Variants in DNAH14 observed in about 807,000 individuals in gnomAD.
DNAH14 encodes the protein dynein axonemal heavy chain 14, also known as axonemal beta dynein heavy chain 14.
In DNAH14, 478 loss-of-function variants were observed where a neutral mutation model predicts 520.9. The ratio of observed to expected loss-of-function variants is 0.92; its 90% confidence interval spans 0.85 to 0.99. The LOEUF (loss-of-function observed/expected upper bound fraction) is 0.99, where lower values mean the gene tolerates loss of function less well. DNAH14 is among the 50% of genes least tolerant of loss of function. The probability of loss-of-function intolerance (pLI) is 0.00; values close to 1 mark genes in which losing one functional copy is unlikely to be tolerated. For missense variants in DNAH14, 4,831 were observed against 5,234.5 expected, an observed-to-expected ratio of 0.92 and a Z score of 2.38; for synonymous variants, 1,581 against 1,757.2, an observed-to-expected ratio of 0.90 and a Z score of 2.51.
At chr1:225,337,196 G>T in intron 66 of DNAH14, 70 bp from the exon 67 acceptor site, 2 of 1,240,888 alleles carry the variant, frequency 1.6e-6, no homozygotes, top group Non-Finnish European at 2.3e-6. Flanking sequence ...GGATCTTTTA[G>T]TACCCTGTAG....
intron 21 of DNAH14, among the ~76,000 whole-genome samples, chr1:225,095,261 A>G (rs191580706): frequency 6.6e-5 from 10 of 152,226 alleles, no homozygotes; most frequent in African/African-American, 2.4e-4. Context: ...ATGCCCATCA[A>G]CAGTAGACTG....
intron 2 of DNAH14, among the ~76,000 whole-genome samples, chr1:224,953,645 T>A (rs1386846735): frequency 6.6e-6 from 1 of 152,152 alleles, no homozygotes; most frequent in Non-Finnish European, 1.5e-5. Flanking sequence ...TTATATTCAT[T>A]TTAAGTGAAC....
intron 10 of DNAH14, among the ~76,000 whole-genome samples, chr1:225,016,750 T>G (rs1372252801): frequency 6.6e-6 from 1 of 151,954 alleles, no homozygotes; most frequent in African/African-American, 2.4e-5. Context: ...TCTTTTCTTT[T>G]TTTTTGTCTG....
chr1:225,259,369 T>C (rs1316396858), intron 46 of DNAH14, 116 bp downstream of exon 46: 2 of 725,066 alleles, frequency 2.8e-6, no homozygotes, highest in Non-Finnish European at 4.0e-6. Context: ...GCAGAATCAT[T>C]CAAAAGAGGA....
At chr1:225,273,743 T>C (rs2093380188) in intron 52 of DNAH14, among the ~76,000 whole-genome samples, 1 of 152,302 alleles carries the variant, frequency 6.6e-6, no homozygotes. Context: ...CTTTGAACTT[T>C]AGTTTTCTTA....
In DNAH14 at chr1:225,333,399, G is replaced by A; in HGVS notation, c.9973G>A (p.Glu3325Lys). The A allele has an allele frequency of 1.3e-6, 2 of 1,551,576 alleles. No individual in the cohort carries two copies. The highest frequency in any genetic ancestry group is 1.7e-6 in the Non-Finnish European group (2 of 1,146,908). ...CIVYSGILTP[E>K]FRQLIVNKWE... ...TGTCTACAGTGGAATTTTAACACCA[G>A]AATTTCGCCAGTTGATTGTGAATAA... The change falls in exon 66 of 86, where the codon GAA becomes AAA. Residue 3325 changes from glutamate to lysine, a missense_variant. Glu to Lys is a moderately conservative substitution (Grantham distance 56, BLOSUM62 1). Coordinates refer to ENST00000682510, the MANE Select transcript of DNAH14 (RefSeq NM_001367479.1).
In DNAH14 at chr1:225,348,158, T is replaced by C. The variant is rs1262838975; in HGVS notation, c.11296+1504T>C. On this transcript the variant is annotated intron_variant, in intron 71 of 85. Coordinates refer to ENST00000682510, the MANE Select transcript of DNAH14 (RefSeq NM_001367479.1). ...ATCAGCAAACTTGAAGACAGGTCATTTGAAATTATCGAGTCAGAAGAGCAA... is the reference window on the plus strand; with the variant it reads ...ATCAGCAAACTTGAAGACAGGTCATCTGAAATTATCGAGTCAGAAGAGCAA... Among the ~76,000 whole-genome samples, 5 of 151,968 alleles carry C rather than the reference T, an allele frequency of 3.3e-5. No individual in the cohort carries two copies. In the East Asian group the frequency reaches 9.6e-4, roughly 29 times the overall value.
chr1:225,311,643 G>A (rs2094367451), intron 60 of DNAH14, among the ~76,000 whole-genome samples: 1 of 152,076 alleles, frequency 6.6e-6, no homozygotes, highest in Non-Finnish European at 1.5e-5. Flanking sequence ...GTAAGGAAGG[G>A]GTCCAGTTTC....
intron 55 of DNAH14, among the ~76,000 whole-genome samples, chr1:225,299,263 A>G (rs2094086847): frequency 6.6e-6 from 1 of 152,196 alleles, no homozygotes; most frequent in Non-Finnish European, 1.5e-5. Flanking sequence ...ATGCCACCTC[A>G]GATTGTATTT....
chr1:225,389,388 G>C (rs2095877308), intron 82 of DNAH14, among the ~76,000 whole-genome samples: 1 of 152,238 alleles, frequency 6.6e-6, no homozygotes, highest in Admixed American at 6.5e-5. Flanking sequence ...TATAAGTGTA[G>C]CAACAGCACT....
chr1:225,320,456 G>A (rs2094538130), intron 61 of DNAH14, among the ~76,000 whole-genome samples: 1 of 152,096 alleles, frequency 6.6e-6, no homozygotes, highest in African/African-American at 2.4e-5. Flanking sequence ...CTTGTTTGTT[G>A]TTTGTTTGTT....
rs1422639105 is a variant in DNAH14, at chr1:225,140,966, G to C, written c.4453G>C (p.Val1485Leu). 1.3e-6 allele frequency: 2 copies of C among 1,551,102 alleles called. No homozygotes were observed. Among genetic ancestry groups the C allele is most frequent in the Admixed American group, 2.0e-5 (1 of 50,962 alleles). The stretch of plus-strand genomic sequence containing the variant: ...CCTTTATGTTCACTGCAGAGATATA[G>C]TGATAAATTTACTACTTAAAAATAT... ...LILYVHCRDI[V>L]INLLLKNIFN... Residue 1485 changes from valine (V) to leucine (L), a missense_variant, in exon 28 of 86, where the codon GTG (valine) becomes CTG (leucine). Physicochemically the swap from Val to Leu is conservative, Grantham distance 32. Transcript: ENST00000682510.
intron 35 of DNAH14, 79 bp downstream of exon 35, chr1:225,159,564 A>G: frequency 7.7e-7 from 1 of 1,305,610 alleles, no homozygotes; most frequent in East Asian, 2.6e-5. Flanking sequence ...GATTAAAAAT[A>G]TTACAGTTCT....
intron 10 of DNAH14, among the ~76,000 whole-genome samples, chr1:225,019,636 C>G (rs1336924129): frequency 6.6e-6 from 1 of 152,090 alleles, no homozygotes; most frequent in Admixed American, 6.6e-5. Context: ...CAGCACATGG[C>G]ACATACTCTA....
At chr1:225,129,888 A>C (rs1276824470) in intron 27 of DNAH14, among the ~76,000 whole-genome samples, 1 of 152,256 alleles carries the variant, frequency 6.6e-6, no homozygotes, top group Admixed American at 6.5e-5. Context: ...GGCAATCCAC[A>C]AAATGGGAGA....
chr1:225,147,678 T>C (rs1033881719), intron 31 of DNAH14, among the ~76,000 whole-genome samples: 8 of 152,348 alleles, frequency 5.3e-5, no homozygotes, highest in African/African-American at 1.7e-4. Flanking sequence ...ATGTGCAGAT[T>C]TGTTATATAG....
intron 27 of DNAH14, among the ~76,000 whole-genome samples, chr1:225,134,668 ATTGACCTG>A (rs1320592597): frequency 6.6e-6 from 1 of 152,110 alleles, no homozygotes; most frequent in East Asian, 1.9e-4. Context: ...CTTCAGGGAT[ATTGACCTG>A]AAGTTTTCTT....
chr1:225,009,606 A>G (rs2064521432), intron 10 of DNAH14, among the ~76,000 whole-genome samples: 2 of 152,134 alleles, frequency 1.3e-5, no homozygotes, highest in Admixed American at 1.3e-4. Context: ...TTGGTTCCAT[A>G]TTAAATTTAA....
chr1:225,344,944 A>G (rs1241508472), intron 69 of DNAH14, among the ~76,000 whole-genome samples: 1 of 151,936 alleles, frequency 6.6e-6, no homozygotes, highest in Non-Finnish European at 1.5e-5. Flanking sequence ...CGATCTCTTG[A>G]CCTCATGATC....
Sources: gnomAD v4.1 joint callset for allele counts (sites outside exome capture counted in the v4.1 genomes callset) on GRCh38, gnomAD v4.1.1 for gene constraint, MANE v1.5 for transcripts, NCBI Gene and HGNC (gene_info 2026-07-23, HGNC 2026-07-21) for gene names.